CEP290: variants seen among roughly 807,000 people sequenced by gnomAD.
CEP290 encodes centrosomal protein of 290 kDa.
In CEP290, 317 loss-of-function variants were observed where a neutral mutation model predicts 344.9. That is an observed-to-expected ratio of 0.92 (90% CI 0.84 to 1.01). The LOEUF (loss-of-function observed/expected upper bound fraction) is 1.01, where lower values mean the gene tolerates loss of function less well. Among genes scored for constraint, CEP290 ranks in the 50% least tolerant of loss-of-function variants. CEP290 has a pLI of 0.00. For missense variants in CEP290, 2,754 were observed against 2,761.4 expected (o/e 1.00, Z 0.06); for synonymous variants, 932 against 895.8 (o/e 1.04, Z -0.72).
At chr12:88,082,021 CAGAGG>C (rs1451012085) in intron 37 of CEP290, among the ~76,000 whole-genome samples, 3 of 152,154 alleles carry the variant, frequency 2.0e-5, no homozygotes, top group African/African-American at 7.2e-5. Flanking sequence ...TTAATTCTGT[CAGAGG>C]CATTTGAATA....
At position 88,049,111 on chromosome 12, in the gene CEP290, C is replaced by T; in HGVS notation, c.*73G>A. 1 of 838,038 alleles carries T rather than the reference C, an allele frequency of 1.2e-6. No individual in the cohort carries two copies. 51.9% of individuals were successfully genotyped at this position (838,038 alleles called of 1,614,324 possible). A position where few individuals can be genotyped will look rare whatever the true frequency, so the allele number is the denominator to read the frequency against. ...GAAGGAAATACTACAGTTCGGAGAA[C>T]TGCTTATTTCCAAGTATATTTAACT... is the stretch of plus-strand genomic sequence containing the variant. On this transcript the variant is annotated 3_prime_UTR_variant, in exon 54 of 54. Coordinates refer to ENST00000552810, the MANE Select transcript of CEP290 (RefSeq NM_025114.4).
intron 47 of CEP290, among the ~76,000 whole-genome samples, chr12:88,060,310 A>G (rs1054784534): frequency 1.3e-5 from 2 of 152,214 alleles, no homozygotes; most frequent in African/African-American, 2.4e-5. Flanking sequence ...TATTTTCACA[A>G]AGAGACACAG....
rs780211907 is a variant in CEP290 at position 88,141,238 on chromosome 12, GTTC to G, written c.67_69del (p.Glu23del). 8.1e-6 allele frequency: 13 copies of G among 1,610,742 alleles called. No individual in the cohort carries two copies. The highest frequency in any genetic ancestry group is 3.4e-5 in the Admixed American group (2 of 59,546). ...AAGGAAATCAATAAATTATCTGCCA[GTTC>G]TTCTTGACGGGGCAGGTCATCTGGG... On this transcript the variant is annotated inframe_deletion, in exon 2 of 54. Coordinates refer to ENST00000552810, the MANE Select transcript of CEP290 (RefSeq NM_025114.4).
intron 13 of CEP290, among the ~76,000 whole-genome samples, chr12:88,122,610 T>C (rs1398226982): frequency 1.3e-5 from 2 of 152,194 alleles, no homozygotes; most frequent in African/African-American, 2.4e-5. Context: ...AGGGATTATA[T>C]AACTACGGAC....
At chr12:88,070,462 AT>A (rs1428806782) in intron 43 of CEP290, among the ~76,000 whole-genome samples, 1 of 152,130 alleles carries the variant, frequency 6.6e-6, no homozygotes, top group African/African-American at 2.4e-5. Flanking sequence ...AAGAGACAAT[AT>A]GAAAACACCT....
Position 88,111,301 on chromosome 12 carries a change from T to C in CEP290, c.2268A>G (p.Ser756=), listed in dbSNP as rs2468255. The change falls in exon 22 of 54, where the codon TCA becomes TCG. Residue 756 remains serine, a synonymous_variant. Coordinates refer to ENST00000552810, the MANE Select transcript of CEP290 (RefSeq NM_025114.4). ...AGTCAATTCCTTTAAAAACAACATT[T>C]GATCCTTCTGATTGTCGTAAAAGAC... The part of the protein sequence containing the change: ...ETSLLRQSEG[S]NVVFKGIDLP... The C allele has an allele frequency of 0.9, 1,402,528 of 1,558,632 alleles. 641,375 individuals are homozygous for C. Among genetic ancestry groups the C allele is most frequent in the East Asian group, 0.96 (40,397 of 42,290 alleles).
rs1367935035 is a variant in CEP290, at chr12:88,089,116, C to T, written c.3945G>A (p.Glu1315=). The T allele has an allele frequency of 6.4e-7, 1 of 1,573,284 alleles. No homozygotes were observed. The highest frequency in any genetic ancestry group is 1.7e-4 in the Middle Eastern group (1 of 5,822). ...TTAATTCCATCTCCAATGTTTTGTT[C>T]TCCATATTTCTATGTTCTTGTTGAG... The part of the protein sequence containing the change: ...KNSQQEHRNM[E]NKTLEMELKL... Residue 1315 remains glutamate (E), a synonymous_variant, in exon 31 of 54, where the codon GAG becomes GAA. Transcript: ENST00000552810.
At chr12:88,114,629 A>T in intron 19 of CEP290, 67 bp from the exon 20 acceptor site, 5 of 1,249,240 alleles carry the variant, frequency 4.0e-6, no homozygotes, top group Non-Finnish European at 5.4e-6. Context: ...TGCTATACAG[A>T]TGACAAATAT....
chr12:88,130,503 A>G (rs369735040), intron 8 of CEP290, 42 bp downstream of exon 8: 157 of 1,592,420 alleles, frequency 9.9e-5, no homozygotes, highest in Non-Finnish European at 1.2e-4. Context: ...CTCTCACAAC[A>G]TATTTTAAAT....
chr12:88,121,140 G>A lies in CEP290; in HGVS notation c.1216C>T (p.His406Tyr). 1 of 1,612,908 alleles carries A rather than the reference G, an allele frequency of 6.2e-7. No individual in the cohort carries two copies. The highest frequency in any genetic ancestry group is 8.5e-7 in the Non-Finnish European group (1 of 1,179,486). The change falls in exon 14 of 54, where the codon CAT (histidine) becomes TAT (tyrosine). Residue 406 changes from histidine (H) to tyrosine (Y), a missense_variant. Coordinates refer to ENST00000552810, the MANE Select transcript of CEP290 (RefSeq NM_025114.4). ...KGASTLSQQT[H>Y]MKIQSTLDIL... ...TCTAACGTTGACTGAATTTTCATAT[G>A]AGTCTGTTGAGAAAGGGTTGAAGCA... is the stretch of plus-strand genomic sequence containing the variant.
rs2039362896 is a variant in CEP290, at chr12:88,120,990, T to A, written c.1359+7A>T. On this transcript the variant is annotated splice_region_variant and intron_variant, in intron 14 of 53. Coordinates refer to ENST00000552810, the MANE Select transcript of CEP290 (RefSeq NM_025114.4). ...AGCTCCTTGAATGACAAGATAAAAA[T>A]ACATACCGATTCATAATCTTTTAAC... 6.2e-7 allele frequency: 1 copy of A among 1,606,354 alleles called. No individual in the cohort carries two copies. Among genetic ancestry groups the A allele is most frequent in the African/African-American group, 1.3e-5 (1 of 74,570 alleles).
intron 3 of CEP290, among the ~76,000 whole-genome samples, 152 bp from the exon 4 acceptor site, chr12:88,139,716 T>C (rs1048096089): frequency 2.0e-5 from 3 of 152,222 alleles, no homozygotes; most frequent in Admixed American, 1.3e-4. Context: ...TAAATAGTTT[T>C]TGGTTTTTGT....
rs765483163 is a variant in CEP290, at chr12:88,089,282, GCT to G, written c.3777_3778del (p.Arg1259SerfsTer16). The G allele has an allele frequency of 8.7e-6, 14 of 1,613,924 alleles. No individual in the cohort carries two copies. The highest frequency in any genetic ancestry group is 1.2e-5 in the Non-Finnish European group (14 of 1,179,872). On this transcript the variant is annotated frameshift_variant, in exon 31 of 54. Coordinates refer to ENST00000552810, the MANE Select transcript of CEP290 (RefSeq NM_025114.4). LOFTEE classifies it high-confidence loss of function. The stretch of plus-strand genomic sequence containing the variant: ...CTGAATTGTTTGGCGCAGATGTTTT[GCT>G]CTGTTTCTTCCCTCCAAACGAGCAT...
In CEP290 at chr12:88,141,263, T is replaced by C. The variant is rs1383191175; in HGVS notation, c.45A>G (p.Pro15=). ...GTTCTTCTTGACGGGGCAGGTCATC[T>C]GGGTCAACTTTCATTATTTCTTTCC... The part of the protein sequence containing the change: ...INWKEIMKVD[P]DDLPRQEELA... Residue 15 remains proline, a synonymous_variant, in exon 2 of 54, where the codon CCA becomes CCG. Transcript: ENST00000552810. 1 of 1,611,612 alleles carries C rather than the reference T, an allele frequency of 6.2e-7. No homozygotes were observed. Among genetic ancestry groups the C allele is most frequent in the South Asian group, 1.1e-5 (1 of 90,200 alleles).
chr12:88,140,006 T>C (rs1267337009), intron 3 of CEP290, among the ~76,000 whole-genome samples: 1 of 152,198 alleles, frequency 6.6e-6, no homozygotes, highest in African/African-American at 2.4e-5. Flanking sequence ...TCCTCCTGCC[T>C]TGGCCTCCCA....
chr12:88,084,008 C>T (rs900670000), intron 35 of CEP290, 54 bp from the exon 36 acceptor site: 57 of 1,088,172 alleles, frequency 5.2e-5, no homozygotes, highest in Non-Finnish European at 7.2e-5. Flanking sequence ...AACAAATTCA[C>T]ATTTTGAAGA....
Position 88,126,397 on chromosome 12 carries a change from C to G in CEP290, c.984G>C (p.Gln328His), listed in dbSNP as rs776256270. 2.0e-6 allele frequency: 3 copies of G among 1,516,182 alleles called. No individual in the cohort carries two copies. The highest frequency in any genetic ancestry group is 1.7e-4 in the Middle Eastern group (1 of 5,864). 93.9% of individuals were successfully genotyped at this position (1,516,182 alleles called of 1,614,324 possible). The change falls in exon 12 of 54, where the codon CAG becomes CAC. Residue 328 changes from glutamine (Q) to histidine (H), a missense_variant. Gln to His is a conservative substitution (Grantham distance 24). Transcript: ENST00000552810. The part of the protein sequence containing the change: ...SSKDDEIIEY[Q>H]QMLHNLREKL... ...TCTCCCTTAGGTTATGTAACATTTG[C>G]TGATACTCAATAATTTCATCATCTT...
chr12:88,103,421 G>A (rs1216062513), intron 25 of CEP290: 1 of 153,706 alleles, frequency 6.5e-6, no homozygotes, highest in East Asian at 1.9e-4. Context: ...AGCTATTTAT[G>A]CTTATTGTAA....
chr12:88,128,573 G>T (rs1440524024), intron 11 of CEP290, among the ~76,000 whole-genome samples: 1 of 151,986 alleles, frequency 6.6e-6, no homozygotes, highest in Non-Finnish European at 1.5e-5. Flanking sequence ...CTGACATTTA[G>T]TTAGAAAAAC....
Sources: allele counts gnomAD v4.1 joint callset (sites outside exome capture counted in the v4.1 genomes callset), GRCh38; gene constraint gnomAD v4.1.1; transcripts MANE v1.5; gene names NCBI Gene and HGNC (gene_info 2026-07-23, HGNC 2026-07-21).